Variants in AP3B1 observed in about 807,000 individuals in gnomAD.
The protein encoded by AP3B1 is adaptor related protein complex 3 subunit beta 1, also known as AP-3 complex subunit beta-1.
A neutral mutation model predicts 132.5 loss-of-function variants in AP3B1; 61 were observed. The observed-to-expected ratio is 0.46, with a 90% confidence interval of 0.37 to 0.57. AP3B1 has a LOEUF of 0.57. Among genes scored for constraint, AP3B1 ranks in the 20% least tolerant of loss-of-function variants. AP3B1 has a pLI of 0.00. For missense variants in AP3B1, 1,120 were observed against 1,289.4 expected, an observed-to-expected ratio of 0.87 and a Z score of 2.01; for synonymous variants, 388 against 438.3, an observed-to-expected ratio of 0.89 and a Z score of 1.43.
chr5:78,133,406 A>C (rs146433238), intron 15 of AP3B1, among the ~76,000 whole-genome samples: 31 of 152,362 alleles, frequency 2.0e-4, no homozygotes, highest in Middle Eastern at 3.4e-3. Context: ...TTAACATGCC[A>C]CTAGACAAAA....
chr5:78,166,117 TCACA>T (rs70997970), intron 11 of AP3B1, among the ~76,000 whole-genome samples: 3,488 of 135,800 alleles, frequency 0.026, 67 homozygotes, highest in Middle Eastern at 0.052. Context: ...TGAAACTCTG[TCACA>T]CACACACACA....
At chr5:78,273,487 A>T (rs1748641448) in intron 1 of AP3B1, among the ~76,000 whole-genome samples, 1 of 152,150 alleles carries the variant, frequency 6.6e-6, no homozygotes. Flanking sequence ...AACAGAACCC[A>T]AGGAGAAGTC....
chr5:78,122,496 A>C (rs1325981482), intron 17 of AP3B1, among the ~76,000 whole-genome samples: 1 of 152,226 alleles, frequency 6.6e-6, no homozygotes, highest in East Asian at 1.9e-4. Context: ...ACTTCAGCAA[A>C]GTCTCAGGAT....
At chr5:78,283,662 G>A (rs891377065) in intron 1 of AP3B1, among the ~76,000 whole-genome samples, 8 of 152,006 alleles carry the variant, frequency 5.3e-5, no homozygotes, top group African/African-American at 1.9e-4. Context: ...ACTGCTCAAC[G>A]AATGCCTAAC....
At chr5:78,005,737 A>G (rs1447216943) in intron 26 of AP3B1, among the ~76,000 whole-genome samples, 1 of 152,188 alleles carries the variant, frequency 6.6e-6, no homozygotes, top group South Asian at 2.1e-4. Context: ...TTCAGAAAGG[A>G]TATATTTAAT....
At chr5:78,118,271 G>A (rs112678073) in intron 17 of AP3B1, among the ~76,000 whole-genome samples, 6 of 152,170 alleles carry the variant, frequency 3.9e-5, no homozygotes, top group African/African-American at 1.4e-4. Context: ...CGCAGAAGAC[G>A]GGTGATTTCT....
chr5:78,118,637 C>T (rs1452199380), intron 17 of AP3B1, among the ~76,000 whole-genome samples: 1 of 152,240 alleles, frequency 6.6e-6, no homozygotes, highest in African/African-American at 2.4e-5. Flanking sequence ...GGGGCGCCTG[C>T]CATTGCCCAG....
rs1382310554 is a variant in AP3B1 at position 78,113,769 on chromosome 5, T to C, written c.2232A>G (p.Ser744=). The change falls in exon 19 of 27, where the codon TCA becomes TCG. Residue 744 remains serine (S), a synonymous_variant. Transcript: ENST00000255194. ...LENKRTAKRN[S]KAKGKSDSED... ...TAAGTTACCTTTTTCCTTTGGCTTTTGAGTTCCTCTTGGCTGTTCTTTTGT... is the reference window on the plus strand; with the variant it reads ...TAAGTTACCTTTTTCCTTTGGCTTTCGAGTTCCTCTTGGCTGTTCTTTTGT... 1 of 1,614,020 alleles carries C rather than the reference T, an allele frequency of 6.2e-7. No individual in the cohort carries two copies. Among genetic ancestry groups the C allele is most frequent in the African/African-American group, 1.3e-5 (1 of 74,948 alleles).
intron 11 of AP3B1, among the ~76,000 whole-genome samples, chr5:78,175,269 T>C (rs994376484): frequency 6.6e-6 from 1 of 152,100 alleles, no homozygotes; most frequent in African/African-American, 2.4e-5. Context: ...GGTATCTCAG[T>C]TGGAAATGCA....
chr5:78,214,613 A>T (rs958554667), intron 7 of AP3B1, among the ~76,000 whole-genome samples: 2 of 152,196 alleles, frequency 1.3e-5, no homozygotes, highest in Non-Finnish European at 2.9e-5. Context: ...ATAGAAAAAA[A>T]ATCTGAGCAG....
At position 78,120,575 on chromosome 5, in the gene AP3B1, A is replaced by G. The variant is rs1305239889; in HGVS notation, c.1969-4341T>C. Reference sequence around the variant, plus strand: ...CAGATAAAACAGACTTTAAACCAACAAAGATCAAAAGAGACAAAGAAGGCC... The same window carrying G: ...CAGATAAAACAGACTTTAAACCAACGAAGATCAAAAGAGACAAAGAAGGCC... On this transcript the variant is annotated intron_variant, in intron 17 of 26. Coordinates refer to ENST00000255194, the MANE Select transcript of AP3B1 (RefSeq NM_003664.5). 9.2e-5 allele frequency among the ~76,000 whole-genome samples: 14 copies of G among 152,272 alleles called. No individual in the cohort carries two copies. In the East Asian group the frequency reaches 1.5e-3, roughly 17 times the overall value.
chr5:78,059,663 A>C (rs1180817715), intron 22 of AP3B1, among the ~76,000 whole-genome samples: 2 of 151,522 alleles, frequency 1.3e-5, no homozygotes, highest in South Asian at 2.1e-4. Flanking sequence ...GTTTAAAAAA[A>C]CTCCCCTCCC....
At chr5:78,228,764 T>G (rs1389233565) in intron 3 of AP3B1, among the ~76,000 whole-genome samples, 1 of 152,220 alleles carries the variant, frequency 6.6e-6, no homozygotes. Context: ...TCCTCATCTG[T>G]TAAAAGAGTC....
intron 21 of AP3B1, among the ~76,000 whole-genome samples, chr5:78,094,173 G>A (rs765442989): frequency 6.6e-6 from 1 of 152,144 alleles, no homozygotes; most frequent in Non-Finnish European, 1.5e-5. Context: ...GAGAGCACAT[G>A]GTATGGGGTC....
chr5:78,235,881 T>C (rs1746855235), intron 3 of AP3B1, among the ~76,000 whole-genome samples: 1 of 152,230 alleles, frequency 6.6e-6, no homozygotes, highest in South Asian at 2.1e-4. Flanking sequence ...ATTTGACATT[T>C]AATGGTAGAT....
chr5:78,275,159 A>T (rs747305139), intron 1 of AP3B1, among the ~76,000 whole-genome samples: 3 of 152,192 alleles, frequency 2.0e-5, no homozygotes, highest in Non-Finnish European at 4.4e-5. Flanking sequence ...CCTTAAAAGG[A>T]ATAACATTTC....
intron 3 of AP3B1, 38 bp from the exon 4 acceptor site, chr5:78,228,277 A>G: frequency 6.7e-7 from 1 of 1,495,766 alleles, no homozygotes; most frequent in Non-Finnish European, 9.2e-7. Context: ...ACCAGAGTGA[A>G]AATTTAAAAC....
intron 7 of AP3B1, among the ~76,000 whole-genome samples, chr5:78,201,417 T>C (rs1295855267): frequency 1.3e-5 from 2 of 152,108 alleles, no homozygotes; most frequent in Non-Finnish European, 2.9e-5. Flanking sequence ...AATATGAGAA[T>C]GGATAAACTA....
chr5:78,102,073 T>C (rs1276562793), intron 20 of AP3B1, among the ~76,000 whole-genome samples: 1 of 152,106 alleles, frequency 6.6e-6, no homozygotes, highest in African/African-American at 2.4e-5. Flanking sequence ...TAGTCCTGCC[T>C]TCAAATAACT....
Sources: allele counts gnomAD v4.1 joint callset (sites outside exome capture counted in the v4.1 genomes callset), GRCh38; gene constraint gnomAD v4.1.1; transcripts MANE v1.5; gene names NCBI Gene and HGNC (gene_info 2026-07-23, HGNC 2026-07-21).